Variants in CHCHD3 observed in about 807,000 individuals in gnomAD.
The protein encoded by CHCHD3 is MICOS complex subunit MIC19.
In CHCHD3, 20 loss-of-function variants were observed where a neutral mutation model predicts 38.2. The observed-to-expected ratio is 0.52, with a 90% CI of 0.37 to 0.76. The LOEUF is 0.76. Among genes scored for constraint, CHCHD3 ranks in the 30% least tolerant of loss-of-function variants. The probability of loss-of-function intolerance (pLI) is 0.00; values close to 1 mark genes in which losing one functional copy is unlikely to be tolerated. For synonymous variants in CHCHD3, 82 were observed against 100.0 expected, an observed-to-expected ratio of 0.82 and a Z score of 1.07; for missense variants, 245 against 279.2, an observed-to-expected ratio of 0.88 and a Z score of 0.87.
At chr7:132,961,593 G>A (rs911656091) in intron 4 of CHCHD3, among the ~76,000 whole-genome samples, 16 of 152,316 alleles carry the variant, frequency 1.1e-4, no homozygotes, top group African/African-American at 3.6e-4. Flanking sequence ...ACCTGTGCGT[G>A]TGCTCGCACA....
chr7:132,955,235 C>T (rs767089368), intron 4 of CHCHD3, among the ~76,000 whole-genome samples: 29 of 107,978 alleles, frequency 2.7e-4, no homozygotes, highest in Non-Finnish European at 5.6e-5. Context: ...GGCTGGAAGA[C>T]ATTCCTCAAT....
chr7:132,966,999 T>C lies in CHCHD3; in HGVS notation c.369+8170A>G, dbSNP rs181438472. Among the ~76,000 whole-genome samples the C allele has an allele frequency of 9.2e-5, 14 of 152,304 alleles. No individual in the cohort carries two copies. The East Asian group carries it at 2.7e-3, about 29-fold the overall frequency. The stretch of plus-strand genomic sequence containing the variant: ...AGTGATGGAATTATAACCAGCCCTT[T>C]GCACCTTAATTGCCTATGGACTTTT... On this transcript the variant is annotated intron_variant, in intron 4 of 7. Transcript: ENST00000262570.
chr7:132,970,043 T>C (rs1237085170), intron 4 of CHCHD3, among the ~76,000 whole-genome samples: 1 of 152,096 alleles, frequency 6.6e-6, no homozygotes, highest in Non-Finnish European at 1.5e-5. Flanking sequence ...AGGTACCAAT[T>C]ATAAACAGGA....
At chr7:132,974,400 C>G (rs1388603948) in intron 4 of CHCHD3, among the ~76,000 whole-genome samples, 1 of 152,098 alleles carries the variant, frequency 6.6e-6, no homozygotes, top group Non-Finnish European at 1.5e-5. Flanking sequence ...AAAGACTGTT[C>G]CCCAAGGCCC....
At chr7:132,901,158 G>A (rs1035674888) in intron 4 of CHCHD3, among the ~76,000 whole-genome samples, 1 of 152,210 alleles carries the variant, frequency 6.6e-6, no homozygotes, top group African/African-American at 2.4e-5. Context: ...AACCCGTAGT[G>A]AGGGAATTCT....
intron 5 of CHCHD3, chr7:132,847,268 C>T (rs566725503): frequency 1.8e-4 from 27 of 152,252 alleles, no homozygotes; most frequent in African/African-American, 6.5e-4. Flanking sequence ...TTTTTGTTTT[C>T]TCACTTCTAG....
intron 5 of CHCHD3, among the ~76,000 whole-genome samples, chr7:132,866,950 T>G (rs1389098926): frequency 6.6e-6 from 1 of 152,216 alleles, no homozygotes; most frequent in Non-Finnish European, 1.5e-5. Context: ...TTTGGGTCCC[T>G]GCTCACGTAG....
intron 6 of CHCHD3, among the ~76,000 whole-genome samples, chr7:132,803,884 C>T (rs553880793): frequency 6.7e-6 from 1 of 149,568 alleles, no homozygotes; most frequent in South Asian, 2.2e-4. Context: ...CACAGCAACC[C>T]ACCCACTGGG....
intron 5 of CHCHD3, among the ~76,000 whole-genome samples, chr7:132,841,004 T>C (rs371604733): frequency 2.3e-3 from 353 of 152,278 alleles, no homozygotes; most frequent in Middle Eastern, 0.014. Context: ...AGCTTTAGGC[T>C]TTATGTATGC....
chr7:132,897,241 G>A (rs1329817969), intron 4 of CHCHD3, among the ~76,000 whole-genome samples: 3 of 152,136 alleles, frequency 2.0e-5, no homozygotes, highest in African/African-American at 4.8e-5. Context: ...ACATAGAGAC[G>A]CCAGTTAAAC....
intron 5 of CHCHD3, among the ~76,000 whole-genome samples, chr7:132,861,086 T>C (rs1325862219): frequency 6.6e-6 from 1 of 152,072 alleles, no homozygotes; most frequent in African/African-American, 2.4e-5. Context: ...ACAGACAAAA[T>C]TGAACTATGT....
chr7:132,977,819 T>A (rs568613464), intron 3 of CHCHD3, among the ~76,000 whole-genome samples: 31 of 152,328 alleles, frequency 2.0e-4, no homozygotes, highest in African/African-American at 6.3e-4. Context: ...GCTTAGATTT[T>A]AATTACATAT....
At chr7:133,043,065 A>T (rs890328091) in intron 2 of CHCHD3, among the ~76,000 whole-genome samples, 2 of 152,028 alleles carry the variant, frequency 1.3e-5, no homozygotes, top group Non-Finnish European at 2.9e-5. Flanking sequence ...CAGAGGTTTC[A>T]TTATGTTGTC....
rs554550670 is a variant in CHCHD3, at chr7:132,839,008, T to G, written c.454-539A>C. Among the ~76,000 whole-genome samples, 12 of 152,022 alleles carry G rather than the reference T, an allele frequency of 7.9e-5. No homozygotes were observed. The East Asian group carries it at 1.9e-3, about 25-fold the overall frequency. On this transcript the variant is annotated intron_variant, in intron 5 of 7. Coordinates refer to ENST00000262570, the MANE Select transcript of CHCHD3 (RefSeq NM_017812.4). The stretch of plus-strand genomic sequence containing the variant: ...GAGTTCAAGACCAGCCTGACCAATA[T>G]GGAGAAACCACGTCTCTACTTTAAA...
intron 4 of CHCHD3, among the ~76,000 whole-genome samples, chr7:132,924,822 G>A (rs1313322142): frequency 1.3e-5 from 2 of 152,112 alleles, no homozygotes; most frequent in East Asian, 1.9e-4. Flanking sequence ...TAAAACACAC[G>A]TACACATACA....
At chr7:132,786,439 A>C (rs1301778616) in intron 7 of CHCHD3, among the ~76,000 whole-genome samples, 1 of 152,212 alleles carries the variant, frequency 6.6e-6, no homozygotes, top group Non-Finnish European at 1.5e-5. Flanking sequence ...TGGTCCCTAC[A>C]TTCTATTTAG....
intron 4 of CHCHD3, among the ~76,000 whole-genome samples, chr7:132,935,444 T>C (rs533521841): frequency 6.6e-6 from 1 of 152,324 alleles, no homozygotes; most frequent in South Asian, 2.1e-4. Context: ...TCACAAGTAG[T>C]AGTACTTCCT....
intron 3 of CHCHD3, among the ~76,000 whole-genome samples, chr7:132,979,768 G>C (rs543591540): frequency 1.3e-5 from 2 of 152,318 alleles, no homozygotes; most frequent in South Asian, 4.1e-4. Flanking sequence ...GTTTTGACCA[G>C]TGCCCAAAGA....
chr7:132,813,948 T>A (rs1452309863), intron 6 of CHCHD3, among the ~76,000 whole-genome samples: 1 of 152,222 alleles, frequency 6.6e-6, no homozygotes, highest in Non-Finnish European at 1.5e-5. Flanking sequence ...GTCCACCCTA[T>A]GAATAAATGG....
Sources: allele counts gnomAD v4.1 joint callset (sites outside exome capture counted in the v4.1 genomes callset), GRCh38; gene constraint gnomAD v4.1.1; transcripts MANE v1.5; gene names NCBI Gene and HGNC (gene_info 2026-07-23, HGNC 2026-07-21).